Variants in TUSC3 observed in about 807,000 individuals in gnomAD.
The protein encoded by TUSC3 is tumor suppressor candidate 3.
A neutral mutation model predicts 44.8 loss-of-function variants in TUSC3; 45 were observed. The observed-to-expected ratio is 1.00, with a 90% CI of 0.79 to 1.29. The LOEUF (loss-of-function observed/expected upper bound fraction) is 1.29, where lower values mean the gene tolerates loss of function less well. TUSC3 is among the 50% of genes most tolerant of loss of function. The probability of loss-of-function intolerance (pLI) is 0.00; values close to 1 mark genes in which losing one functional copy is unlikely to be tolerated. For missense variants in TUSC3, 519 were observed against 437.9 expected, an observed-to-expected ratio of 1.19 and a Z score of -1.65; for synonymous variants, 212 against 152.9, an observed-to-expected ratio of 1.39 and a Z score of -2.85.
chr8:15,630,140 C>T (rs1805694367), intron 2 of TUSC3, among the ~76,000 whole-genome samples: 2 of 152,036 alleles, frequency 1.3e-5, no homozygotes, highest in South Asian at 4.1e-4. Flanking sequence ...TACGAAATAT[C>T]CTCATGGAAG....
rs1029929507 is a variant in TUSC3 at position 15,495,976 on chromosome 8, C to T, written n.189+12493C>T. Among the ~76,000 whole-genome samples, 4 of 152,246 alleles carry T rather than the reference C, an allele frequency of 2.6e-5. No individual in the cohort carries two copies. In the East Asian group the frequency reaches 7.7e-4, roughly 29 times the overall value. ...CTTGCATTTAATAAAAATATTGCAC[C>T]TACCTGATTTATGACAGTGAATCTA... On this transcript the variant is annotated intron_variant and non_coding_transcript_variant, in intron 2 of 5. Coordinates refer to the TUSC3 transcript ENST00000503191.
intron 2 of TUSC3, among the ~76,000 whole-genome samples, chr8:15,646,420 A>G (rs1330196747): frequency 1.3e-5 from 2 of 152,132 alleles, no homozygotes; most frequent in Non-Finnish European, 2.9e-5. Context: ...AGAGGCTAGA[A>G]TCTACAAATT....
intron 2 of TUSC3, among the ~76,000 whole-genome samples, chr8:15,648,764 C>G (rs1350392737): frequency 3.9e-5 from 3 of 77,726 alleles, no homozygotes; most frequent in African/African-American, 8.6e-5. Context: ...AAAGACATCT[C>G]CTGTTGAACA....
chr8:15,649,350 C>T (rs1197492165), intron 2 of TUSC3, among the ~76,000 whole-genome samples: 4 of 151,394 alleles, frequency 2.6e-5, no homozygotes, highest in Non-Finnish European at 4.4e-5. Context: ...TTTGGGAGGC[C>T]GAGGCGGGCA....
the TUSC3 span, among the ~76,000 whole-genome samples, chr8:15,851,479 TA>T: frequency 2.6e-4 from 40 of 152,304 alleles, no homozygotes; most frequent in East Asian, 5.8e-3. Flanking sequence ...TCCTCACACA[TA>T]TAGAGAAAAC....
the TUSC3 span, among the ~76,000 whole-genome samples, chr8:15,798,924 A>G: frequency 1.3e-5 from 2 of 152,190 alleles, no homozygotes; most frequent in Admixed American, 6.5e-5. Context: ...TCTAAATTTC[A>G]TTGGGTCAAT....
intron 1 of TUSC3, among the ~76,000 whole-genome samples, chr8:15,596,742 A>G (rs1804087266): frequency 6.6e-6 from 1 of 152,100 alleles, no homozygotes; most frequent in Non-Finnish European, 1.5e-5. Context: ...CAGAGAATTT[A>G]TGTTGCTGAA....
chr8:15,747,495 T>C (rs959163293), intron 8 of TUSC3, among the ~76,000 whole-genome samples: 1 of 152,016 alleles, frequency 6.6e-6, no homozygotes, highest in South Asian at 2.1e-4. Context: ...TTTAATTGGC[T>C]CAGATTAAGT....
chr8:15,680,787 T>A (rs766730353), intron 6 of TUSC3, among the ~76,000 whole-genome samples: 1 of 152,234 alleles, frequency 6.6e-6, no homozygotes, highest in African/African-American at 2.4e-5. Flanking sequence ...AGGATTTTTA[T>A]CATGAACAGA....
chr8:15,620,035 C>A (rs1805174470), intron 1 of TUSC3, among the ~76,000 whole-genome samples: 1 of 152,134 alleles, frequency 6.6e-6, no homozygotes. Flanking sequence ...GCACTCCAGC[C>A]TGGGTAACAG....
At chr8:15,590,438 C>T (rs937116657) in intron 1 of TUSC3, among the ~76,000 whole-genome samples, 5 of 151,988 alleles carry the variant, frequency 3.3e-5, no homozygotes, top group Admixed American at 2.0e-4. Flanking sequence ...CTTTCTCCTC[C>T]GGCTTCTAAC....
chr8:15,439,537 A>G (rs986857587), intron 1 of TUSC3, among the ~76,000 whole-genome samples: 16 of 152,326 alleles, frequency 1.1e-4, no homozygotes, highest in Admixed American at 1.0e-3. Context: ...AGCCTGGGTG[A>G]CAGAGCAAGA....
chr8:15,436,997 A>T (rs1229951722), intron 1 of TUSC3, among the ~76,000 whole-genome samples: 2 of 152,200 alleles, frequency 1.3e-5, no homozygotes, highest in African/African-American at 4.8e-5. Flanking sequence ...TGGCTATTTA[A>T]AATTGATGCA....
At chr8:15,787,597 ACTT>A in the TUSC3 span, among the ~76,000 whole-genome samples, 2 of 152,178 alleles carry the variant, frequency 1.3e-5, no homozygotes, top group African/African-American at 2.4e-5. Flanking sequence ...ACAACCGATC[ACTT>A]CTTATTTCTA....
At chr8:15,676,261 G>A (rs1054572015) in intron 6 of TUSC3, among the ~76,000 whole-genome samples, 1 of 152,008 alleles carries the variant, frequency 6.6e-6, no homozygotes, top group African/African-American at 2.4e-5. Flanking sequence ...TTTGTTGCCC[G>A]CTTATCTGTC....
intron 1 of TUSC3, among the ~76,000 whole-genome samples, chr8:15,480,406 T>A (rs1338508698): frequency 2.0e-5 from 3 of 152,204 alleles, no homozygotes; most frequent in Admixed American, 6.5e-5. Context: ...TGGCTAGGAT[T>A]GCCATGAAAA....
intron 1 of TUSC3, among the ~76,000 whole-genome samples, chr8:15,591,616 T>G (rs934613847): frequency 6.6e-6 from 1 of 152,174 alleles, no homozygotes; most frequent in Non-Finnish European, 1.5e-5. Flanking sequence ...TAATAGATTG[T>G]TGTGAGGGAG....
At chr8:15,543,910 T>TTG (rs34091995) in intron 1 of TUSC3, among the ~76,000 whole-genome samples, 5,766 of 148,890 alleles carry the variant, frequency 0.039, 320 homozygotes, top group African/African-American at 0.13. Context: ...TCCCATGGAT[T>TTG]TGTGTGTGTG....
chr8:15,601,089 G>C (rs892064233), intron 1 of TUSC3, among the ~76,000 whole-genome samples: 2 of 151,692 alleles, frequency 1.3e-5, no homozygotes, highest in African/African-American at 4.8e-5. Context: ...CTTTGTTAAA[G>C]GTCAGCAGAT....
Sources: gnomAD v4.1 joint callset for allele counts (sites outside exome capture counted in the v4.1 genomes callset) on GRCh38, gnomAD v4.1.1 for gene constraint, MANE v1.5 for transcripts, NCBI Gene and HGNC (gene_info 2026-07-23, HGNC 2026-07-21) for gene names.